HUWE1: variants seen among roughly 807,000 people sequenced by gnomAD.
HUWE1 encodes the protein E3 ubiquitin-protein ligase HUWE1.
A neutral mutation model predicts 299.4 loss-of-function variants in HUWE1; 18 were observed. The ratio of observed to expected loss-of-function variants is 0.06; its 90% CI spans 0.04 to 0.09. The LOEUF (loss-of-function observed/expected upper bound fraction) is 0.09, where lower values mean the gene tolerates loss of function less well. Ranked by LOEUF, HUWE1 falls within the 10% of genes least tolerant of loss-of-function variation. The pLI is 1.00. For synonymous variants in HUWE1, 1,317 were observed against 1,286.1 expected, an observed-to-expected ratio of 1.02 and a Z score of -0.51; for missense variants, 1,832 against 3,462.3, an observed-to-expected ratio of 0.53 and a Z score of 11.82.
chrX:53,578,134 C>T (rs1602779534), intron 43 of HUWE1, among the ~76,000 whole-genome samples: 1 of 94,965 alleles, frequency 1.1e-5, no homozygotes, highest in African/African-American at 3.9e-5. Flanking sequence ...TCTGCCCGGC[C>T]GCCCATCGTC....
chrX:53,587,703 C>T (rs1423186680), intron 37 of HUWE1, among the ~76,000 whole-genome samples: 2 of 111,632 alleles, frequency 1.8e-5, no homozygotes, highest in African/African-American at 6.5e-5. Context: ...CCCAAGACAG[C>T]TGTTACACAG....
intron 3 of HUWE1, among the ~76,000 whole-genome samples, chrX:53,670,296 G>A (rs929863092): frequency 1.8e-5 from 2 of 111,905 alleles, no homozygotes; most frequent in Non-Finnish European, 3.8e-5. Flanking sequence ...GATGACACCA[G>A]ATGGCACATT....
chrX:53,575,721 A>G lies in HUWE1; in HGVS notation c.5952T>C (p.Gly1984=), dbSNP rs782202317. The change falls in exon 45 of 84, where the codon GGT becomes GGC. Residue 1984 remains glycine, a synonymous_variant. Transcript: ENST00000262854. ...QEVGQLLQDM[G]DDVYQQYRSL... ...ACCGGTACTGCTGGTATACATCATC[A>G]CCCATGTCTTGCAGGAGCTGGCCAA... The G allele has an allele frequency of 1.3e-4, 160 of 1,209,213 alleles. No homozygotes were observed. In the Middle Eastern group the frequency reaches 2.5e-3, roughly 19 times the overall value.
chrX:53,577,370 G>A (rs1020347817), intron 43 of HUWE1, among the ~76,000 whole-genome samples: 3 of 106,417 alleles, frequency 2.8e-5, no homozygotes, highest in Admixed American at 2.0e-4. Flanking sequence ...AGGATTAAAT[G>A]AGGATATAAC....
intron 13 of HUWE1, 89 bp downstream of exon 13, chrX:53,629,427 C>G: frequency 1.7e-6 from 1 of 590,525 alleles, no homozygotes; most frequent in Non-Finnish European, 2.9e-6. Flanking sequence ...ATGCAAATAT[C>G]CCCTCCCCCC....
At chrX:53,637,424 T>C (rs2067289332) in intron 7 of HUWE1, among the ~76,000 whole-genome samples, 1 of 112,869 alleles carries the variant, frequency 8.9e-6, no homozygotes, top group African/African-American at 3.2e-5. Context: ...AAAGGCTTGA[T>C]GCTACAGAGA....
At position 53,573,616 on chromosome X, in the gene HUWE1, C is replaced by T. The variant is rs1040724309; in HGVS notation, c.6312+134G>A. The T allele has an allele frequency of 4.3e-5, 24 of 557,496 alleles. No homozygotes were observed. The South Asian group carries it at 4.8e-4, about 11-fold the overall frequency. 45.9% of individuals were successfully genotyped at this position (557,496 alleles called of 1,213,427 possible). On this transcript the variant is annotated intron_variant, in intron 47 of 83. Coordinates refer to ENST00000262854, the MANE Select transcript of HUWE1 (RefSeq NM_031407.7). Reference sequence around the variant, plus strand: ...AGCCACCGCACCCGGCCTTGCATGTCTGAAGATGCCTCTTCTCACTCATTA... The same window carrying T: ...AGCCACCGCACCCGGCCTTGCATGTTTGAAGATGCCTCTTCTCACTCATTA...
intron 7 of HUWE1, among the ~76,000 whole-genome samples, chrX:53,636,064 C>T (rs2067192276): frequency 1.8e-5 from 2 of 112,430 alleles, no homozygotes; most frequent in African/African-American, 6.5e-5. Flanking sequence ...ACATAACTAG[C>T]ACCACCTTAG....
At position 53,628,487 on chromosome X, in the gene HUWE1, C is replaced by T. The variant is rs1557019948; in HGVS notation, c.1242+6G>A. ...TTTAAAAAAAAAAAAAAAAAAAGTA[C>T]AGCACCTTCAATAAGGCTTCCATCA... On this transcript the variant is annotated splice_donor_region_variant and intron_variant, in intron 15 of 83. Coordinates refer to ENST00000262854, the MANE Select transcript of HUWE1 (RefSeq NM_031407.7). The T allele has an allele frequency of 1.8e-6, 2 of 1,127,420 alleles. No individual in the cohort carries two copies. The highest frequency in any genetic ancestry group is 2.4e-6 in the Non-Finnish European group (2 of 847,748). 92.9% of individuals were successfully genotyped at this position (1,127,420 alleles called of 1,213,427 possible). A position where few individuals can be genotyped will look rare whatever the true frequency, so the allele number is the denominator to read the frequency against.
In HUWE1 at chrX:53,628,488, A is replaced by G; in HGVS notation, c.1242+5T>C. The G allele has an allele frequency of 8.6e-7, 1 of 1,156,144 alleles. No homozygotes were observed. The highest frequency in any genetic ancestry group is 1.2e-6 in the Non-Finnish European group (1 of 867,729). ...TTAAAAAAAAAAAAAAAAAAAGTAC[A>G]GCACCTTCAATAAGGCTTCCATCAT... On this transcript the variant is annotated splice_donor_5th_base_variant and intron_variant, in intron 15 of 83. Transcript: ENST00000262854.
At position 53,602,705 on chromosome X, in the gene HUWE1, AC is replaced by A. The variant is rs1556992288; in HGVS notation, c.2877-48del. The A allele has an allele frequency of 2.3e-5, 15 of 648,694 alleles. No individual in the cohort carries two copies. In the African/African-American group the frequency reaches 2.9e-4, roughly 13 times the overall value. The allele number at this position is 648,694 out of a possible 1,213,427, so 53.5% of individuals were successfully genotyped here. On this transcript the variant is annotated intron_variant, in intron 27 of 83. Transcript: ENST00000262854. The stretch of plus-strand genomic sequence containing the variant: ...GCAAAAGAAATATATATATATATAT[AC>A]TGATAATTCACCTCTTATATTGTAA...
At chrX:53,602,412 T>A (rs1245590556) in intron 28 of HUWE1, 152 bp downstream of exon 28, 2 of 400,334 alleles carry the variant, frequency 5.0e-6, no homozygotes, top group Non-Finnish European at 8.8e-6. Context: ...TATGTATATA[T>A]GTTTTTATGG....
At chrX:53,618,454 T>C in intron 19 of HUWE1, among the ~76,000 whole-genome samples, 1 of 111,340 alleles carries the variant, frequency 9.0e-6, no homozygotes, top group Non-Finnish European at 1.9e-5. Context: ...CAGAAAAATA[T>C]ATTCTACAAA....
intron 13 of HUWE1, among the ~76,000 whole-genome samples, 196 bp downstream of exon 13, chrX:53,629,320 C>T (rs1421520659): frequency 9.0e-6 from 1 of 111,338 alleles, no homozygotes; most frequent in African/African-American, 3.3e-5. Context: ...ATATTGTATA[C>T]AATTGCCTTA....
Position 53,532,976 on chromosome X carries a change from A to G in HUWE1, c.*333T>C, listed in dbSNP as rs1174271318. On this transcript the variant is annotated 3_prime_UTR_variant, in exon 84 of 84. Coordinates refer to ENST00000262854, the MANE Select transcript of HUWE1 (RefSeq NM_031407.7). ...CAAAGGTTTCAAGTCTCAATGCAGC[A>G]AATCCTTCTGAACACAGAATCTGAG... is the stretch of plus-strand genomic sequence containing the variant. 1 of 164,502 alleles carries G rather than the reference A, an allele frequency of 6.1e-6. No homozygotes were observed. Among genetic ancestry groups the G allele is most frequent in the Non-Finnish European group, 1.1e-5 (1 of 87,254 alleles). 13.6% of individuals were successfully genotyped at this position (164,502 alleles called of 1,213,427 possible). A position where few individuals can be genotyped will look rare whatever the true frequency, so the allele number is the denominator to read the frequency against.
intron 39 of HUWE1, among the ~76,000 whole-genome samples, chrX:53,585,558 G>A (rs2063815752): frequency 8.9e-6 from 1 of 112,111 alleles, no homozygotes; most frequent in Non-Finnish European, 1.9e-5. Flanking sequence ...TTATAAAAGC[G>A]AGTTTGGACA....
At position 53,557,477 on chromosome X, in the gene HUWE1, T is replaced by G. The variant is rs782683116; in HGVS notation, c.8161-50A>C. 3.9e-6 allele frequency: 4 copies of G among 1,015,018 alleles called. No homozygotes were observed. The South Asian group carries it at 7.6e-5, about 19-fold the overall frequency. 83.6% of individuals were successfully genotyped at this position (1,015,018 alleles called of 1,213,427 possible). ...TGTGGGACTTTGCAAGCACCTAAGATAGAGGTCAACTGTAATAGTCACCAT... is the reference window on the plus strand; with the variant it reads ...TGTGGGACTTTGCAAGCACCTAAGAGAGAGGTCAACTGTAATAGTCACCAT... On this transcript the variant is annotated intron_variant, in intron 59 of 83. Transcript: ENST00000262854.
At chrX:53,552,280 C>T in intron 63 of HUWE1, 31 bp downstream of exon 63, 1 of 1,209,648 alleles carries the variant, frequency 8.3e-7, no homozygotes, top group East Asian at 3.0e-5. Context: ...CAAAACAATC[C>T]CAGGATGACC....
At chrX:53,569,472 C>T (rs1374996707) in intron 48 of HUWE1, 144 bp downstream of exon 48, 5 of 550,624 alleles carry the variant, frequency 9.1e-6, no homozygotes, top group South Asian at 2.6e-5. Context: ...TATTTCCAAC[C>T]GCCAGAACTA....
Sources: allele counts gnomAD v4.1 joint callset (sites outside exome capture counted in the v4.1 genomes callset), GRCh38; gene constraint gnomAD v4.1.1; transcripts MANE v1.5; gene names NCBI Gene and HGNC (gene_info 2026-07-23, HGNC 2026-07-21).